TIMM44: variants seen among roughly 807,000 people sequenced by gnomAD.
TIMM44 encodes translocase of inner mitochondrial membrane 44.
TIMM44 carries 37 observed loss-of-function variants against 63.8 expected under a neutral mutation model. The observed-to-expected ratio is 0.58, with a 90% CI of 0.45 to 0.76. TIMM44 has a LOEUF of 0.76. Ranked by LOEUF, TIMM44 falls within the 30% of genes least tolerant of loss-of-function variation. The pLI, the probability that TIMM44 is intolerant of heterozygous loss-of-function variation, is 0.00. For synonymous variants in TIMM44, 239 were observed against 245.1 expected (o/e 0.98, Z 0.23); for missense variants, 573 against 603.8 (o/e 0.95, Z 0.54).
chr19:7,938,251 G>A, intron 2 of TIMM44, 54 bp from the exon 3 acceptor site: 1 of 1,465,892 alleles, frequency 6.8e-7, no homozygotes, highest in Admixed American at 2.0e-5. Flanking sequence ...AACATAGAAT[G>A]AAATGCCCCA....
chr19:7,933,309 C>G lies in TIMM44; in HGVS notation c.769+176G>C, dbSNP rs1040849613. Among the ~76,000 whole-genome samples, 1 of 152,104 alleles carries G rather than the reference C, an allele frequency of 6.6e-6. No individual in the cohort carries two copies. The highest frequency in any genetic ancestry group is 2.4e-5 in the African/African-American group (1 of 41,420). ...TTATGAGGGAGCACCTGGCTTCTGG[C>G]GGCAGAATCTACAGCCCCACCATCA... On this transcript the variant is annotated intron_variant, in intron 7 of 12. Transcript: ENST00000270538. The surrounding 1 kb of genome is among the most constrained non-coding windows in gnomAD (Gnocchi z 4.3).
At chr19:7,928,309 G>A in intron 10 of TIMM44, 143 bp from the exon 11 acceptor site, 1 of 672,498 alleles carries the variant, frequency 1.5e-6, no homozygotes, top group African/African-American at 1.8e-5. Context: ...GGTCCAAGTG[G>A]GGAGGCAGGT....
At chr19:7,931,548 C>A in intron 9 of TIMM44, 1 of 339,524 alleles carries the variant, frequency 2.9e-6, no homozygotes, top group Non-Finnish European at 5.7e-6. Context: ...CCAACTCCGG[C>A]TCCCGCAGTG....
rs1230850425 is a variant in TIMM44, at chr19:7,935,217, G to A, written c.313-72C>T. 5.1e-6 allele frequency: 7 copies of A among 1,360,280 alleles called. No homozygotes were observed. The South Asian group carries it at 7.4e-5, about 14-fold the overall frequency. 84.3% of individuals were successfully genotyped at this position (1,360,280 alleles called of 1,614,324 possible). A position where few individuals can be genotyped will look rare whatever the true frequency, so the allele number is the denominator to read the frequency against. ...CAATGTCTCCGTTGCCGAGGCTGGA[G>A]TACAGTGGCACGCTCTCGGCTCACT... On this transcript the variant is annotated intron_variant, in intron 3 of 12. Transcript: ENST00000270538.
At position 7,934,267 on chromosome 19, in the gene TIMM44, T is replaced by C. The variant is rs534005045; in HGVS notation, c.394-29A>G. On this transcript the variant is annotated intron_variant, in intron 4 of 12. Transcript: ENST00000270538. This position sits in a 1 kb window ranked among gnomAD's most constrained non-coding sequence, Gnocchi z 5.3. ...CTGAGACAGACACAGAGAGGGGGCG[T>C]TGGCACCGGCCCTGGCGGCCGGGGG... 1.9e-6 allele frequency: 3 copies of C among 1,608,482 alleles called. No homozygotes were observed. The highest frequency in any genetic ancestry group is 1.7e-4 in the Middle Eastern group (1 of 6,056).
Position 7,943,662 on chromosome 19 carries a change from CGT to C in TIMM44, c.-13_-12del. The C allele has an allele frequency of 6.4e-7, 1 of 1,559,580 alleles. No homozygotes were observed. The highest frequency in any genetic ancestry group is 8.6e-7 in the Non-Finnish European group (1 of 1,159,494). Reference sequence around the variant, plus strand: ...GGCCGCCGCCGCCATGTTGGAGAATCGTGTGACCTTCTCGCGGCGCGGCCCGG... The same window carrying C: ...GGCCGCCGCCGCCATGTTGGAGAATCGTGACCTTCTCGCGGCGCGGCCCGG... On this transcript the variant is annotated 5_prime_UTR_variant, in exon 1 of 13. Coordinates refer to ENST00000270538, the MANE Select transcript of TIMM44 (RefSeq NM_006351.4). The surrounding 1 kb of genome is among the most constrained non-coding windows in gnomAD (Gnocchi z 4.3).
Position 7,927,157 on chromosome 19 carries a change from G to A in TIMM44, c.*30C>T, listed in dbSNP as rs774898489. ...CGGTGCCTCTGTGCCTGATGACCCA[G>A]GCCGGGGCTACCTGGCTCCGGCACC... On this transcript the variant is annotated 3_prime_UTR_variant, in exon 13 of 13. Coordinates refer to ENST00000270538, the MANE Select transcript of TIMM44 (RefSeq NM_006351.4). 2.6e-5 allele frequency: 42 copies of A among 1,593,170 alleles called. 1 individual carries two copies. The South Asian group carries it at 4.6e-4, about 17-fold the overall frequency.
rs1288301067 is a variant in TIMM44, at chr19:7,931,185, T to C, written c.991A>G (p.Met331Val). Residue 331 changes from methionine to valine, a missense_variant, in exon 10 of 13, where the codon ATG becomes GTG. Physicochemically the swap from Met to Val is conservative, Grantham distance 21. Transcript: ENST00000270538. ...NDIIPNVLEAMISGELDILKD... is the reference protein window; with the variant it reads ...NDIIPNVLEAVISGELDILKD... ...AGAATGTCAAGCTCTCCAGAAATCA[T>C]GGCCTAAAAAGGAAGGGAAAATAAG... 1.2e-6 allele frequency: 2 copies of C among 1,613,412 alleles called. No homozygotes were observed. Among genetic ancestry groups the C allele is most frequent in the African/African-American group, 2.7e-5 (2 of 74,758 alleles).
chr19:7,935,158 C>G lies in TIMM44; in HGVS notation c.313-13G>C, dbSNP rs375127775. ...ACTCGATGGTTTTCTAGGTAAAGAG[C>G]GCTGTGTCCTTTTTTTTTTTTTTTT... On this transcript the variant is annotated splice_polypyrimidine_tract_variant and intron_variant, in intron 3 of 12. Transcript: ENST00000270538. The G allele has an allele frequency of 3.6e-6, 5 of 1,394,396 alleles. No homozygotes were observed. In the African/African-American group the frequency reaches 4.3e-5, roughly 12 times the overall value. The allele number at this position is 1,394,396 out of a possible 1,614,324, so 86.4% of individuals were successfully genotyped here.
At chr19:7,927,952 C>T in intron 11 of TIMM44, 125 bp downstream of exon 11, 2 of 1,161,014 alleles carry the variant, frequency 1.7e-6, no homozygotes, top group Non-Finnish European at 2.5e-6. Flanking sequence ...TCCCCTTGGA[C>T]AAGCCCAAGA....
chr19:7,938,383 G>GTA (rs765440425), intron 2 of TIMM44, among the ~76,000 whole-genome samples, 186 bp from the exon 3 acceptor site: 11 of 151,940 alleles, frequency 7.2e-5, no homozygotes, highest in Non-Finnish European at 1.6e-4. Context: ...TAAAAGTGTG[G>GTA]TATATCCAGA....
intron 12 of TIMM44, 60 bp from the exon 13 acceptor site, chr19:7,927,366 G>C (rs939099685): frequency 1.6e-5 from 25 of 1,523,916 alleles, no homozygotes; most frequent in Middle Eastern, 2.3e-4. Context: ...GGCAGCTCTG[G>C]GGGGGGGCCA....
At position 7,938,083 on chromosome 19, in the gene TIMM44, C is replaced by T; in HGVS notation, c.256G>A (p.Asp86Asn). 1 of 1,614,136 alleles carries T rather than the reference C, an allele frequency of 6.2e-7. No individual in the cohort carries two copies. ...GATTCTTCTAGCCTTCTGGCCTCGT[C>T]ACGGAATTTTTTTATACTTTCTTTC... is the stretch of plus-strand genomic sequence containing the variant. ...EMKESIKKFRDEARRLEESDV... is the reference protein window; with the variant it reads ...EMKESIKKFRNEARRLEESDV... The change falls in exon 3 of 13, where the codon GAC becomes AAC. Residue 86 changes from aspartate (D) to asparagine (N), a missense_variant. Coordinates refer to ENST00000270538, the MANE Select transcript of TIMM44 (RefSeq NM_006351.4).
At chr19:7,937,974 C>G in intron 3 of TIMM44, 53 bp downstream of exon 3, 1 of 1,606,642 alleles carries the variant, frequency 6.2e-7, no homozygotes, top group East Asian at 2.2e-5. Flanking sequence ...GCCGAGATCG[C>G]ACCACTACTC....
At position 7,943,591 on chromosome 19, in the gene TIMM44, C is replaced by A. The variant is rs768509913; in HGVS notation, c.45+16G>T. The A allele has an allele frequency of 1.9e-5, 29 of 1,562,786 alleles. No individual in the cohort carries two copies. The highest frequency in any genetic ancestry group is 1.6e-4 in the Admixed American group (9 of 54,950). On this transcript the variant is annotated intron_variant, in intron 1 of 12. Transcript: ENST00000270538. The surrounding 1 kb of genome is among the most constrained non-coding windows in gnomAD (Gnocchi z 4.3). ...GACCCCTAAGCTCGCCCTGCCAGCG[C>A]CGCACCGCCGCTCACCCGTGGACAG...
chr19:7,936,817 A>C (rs747312448), intron 3 of TIMM44, among the ~76,000 whole-genome samples: 1 of 152,068 alleles, frequency 6.6e-6, no homozygotes, highest in Non-Finnish European at 1.5e-5. Context: ...AAAGATATAT[A>C]GGGCTGGGCG....
At chr19:7,932,216 TGAGG>T (rs1984004804) in intron 9 of TIMM44, 1 of 246,488 alleles carries the variant, frequency 4.1e-6, no homozygotes, top group Non-Finnish European at 8.0e-6. Flanking sequence ...GACAGCACCG[TGAGG>T]GAACCTCACG....
intron 10 of TIMM44, chr19:7,929,052 T>G (rs968778212): frequency 2.6e-5 from 4 of 152,024 alleles, no homozygotes; most frequent in African/African-American, 9.7e-5. Flanking sequence ...AAGTTGTTTA[T>G]GAGCTGGGTG....
At chr19:7,935,261 A>T in intron 3 of TIMM44, 116 bp from the exon 4 acceptor site, 1 of 941,180 alleles carries the variant, frequency 1.1e-6, no homozygotes, top group Non-Finnish European at 1.6e-6. Context: ...CTCCTGCCAG[A>T]TTCAAGCGAT....
Sources: gnomAD v4.1 joint callset for allele counts (sites outside exome capture counted in the v4.1 genomes callset) on GRCh38, gnomAD v4.1.1 for gene constraint, Gnocchi (gnomAD v3.1) non-coding constraint, MANE v1.5 for transcripts, NCBI Gene and HGNC (gene_info 2026-07-23, HGNC 2026-07-21) for gene names.